The following KMT5B variants were observed in gnomAD, a reference collection of about 807,000 sequenced individuals.
The protein encoded by KMT5B is histone-lysine N-methyltransferase KMT5B.
Under a neutral mutation model 83.2 loss-of-function variants are expected in KMT5B, and 10 were observed. That is an observed-to-expected ratio of 0.12 (90% CI 0.07 to 0.20). The LOEUF is 0.20. Ranked by LOEUF, KMT5B falls within the 10% of genes least tolerant of loss-of-function variation. KMT5B has a pLI of 1.00. For missense variants in KMT5B, 753 were observed against 1,067.2 expected, an observed-to-expected ratio of 0.71 and a Z score of 4.10; for synonymous variants, 349 against 388.8, an observed-to-expected ratio of 0.90 and a Z score of 1.20.
intron 3 of KMT5B, among the ~76,000 whole-genome samples, chr11:68,183,226 AAAAC>A (rs1191678633): frequency 2.0e-5 from 3 of 152,028 alleles, no homozygotes; most frequent in African/African-American, 7.2e-5. Flanking sequence ...AAAAAAAAAA[AAAAC>A]AAAGAAAAAC....
chr11:68,204,518 T>C (rs1859832198), intron 1 of KMT5B, among the ~76,000 whole-genome samples: 1 of 151,924 alleles, frequency 6.6e-6, no homozygotes, highest in Non-Finnish European at 1.5e-5. Flanking sequence ...AAAGAGCAGC[T>C]TCCCTCCACA....
At chr11:68,167,411 C>A (rs929259516) in intron 9 of KMT5B, among the ~76,000 whole-genome samples, 1 of 151,116 alleles carries the variant, frequency 6.6e-6, no homozygotes. Context: ...TATTATCAAT[C>A]ATTAATTGCC....
intron 4 of KMT5B, chr11:68,179,560 T>C (rs1197396285): frequency 3.8e-6 from 5 of 1,304,152 alleles, no homozygotes; most frequent in Non-Finnish European, 4.0e-6. Flanking sequence ...AGAAAAGTTG[T>C]AGACTGTATT....
chr11:68,182,198 C>T (rs1433111064), intron 3 of KMT5B, among the ~76,000 whole-genome samples: 4 of 152,176 alleles, frequency 2.6e-5, no homozygotes, highest in Non-Finnish European at 5.9e-5. Flanking sequence ...TTTATGACTA[C>T]ATAGTTTTAC....
At chr11:68,191,236 G>C (rs1858026289) in intron 1 of KMT5B, among the ~76,000 whole-genome samples, 1 of 149,746 alleles carries the variant, frequency 6.7e-6, no homozygotes, top group South Asian at 2.1e-4. Context: ...ATGTTGCCCA[G>C]ACTGGTCTCA....
intron 10 of KMT5B, among the ~76,000 whole-genome samples, chr11:68,164,966 C>A (rs889600366): frequency 9.9e-5 from 15 of 152,262 alleles, no homozygotes; most frequent in African/African-American, 3.1e-4. Flanking sequence ...AATATATATT[C>A]CCAAATATTT....
chr11:68,172,106 T>C (rs11228150), intron 6 of KMT5B, among the ~76,000 whole-genome samples: 29,826 of 152,214 alleles, frequency 0.2, 3,415 homozygotes, highest in African/African-American at 0.32. Context: ...TCCGGAATCA[T>C]GGTGCCACTC....
At chr11:68,197,511 T>G (rs188267018) in intron 1 of KMT5B, among the ~76,000 whole-genome samples, 1 of 152,244 alleles carries the variant, frequency 6.6e-6, no homozygotes, top group African/African-American at 2.4e-5. Flanking sequence ...CCAAACATTT[T>G]TCTGAGAATT....
rs923837754 is a variant in KMT5B, at chr11:68,159,476, G to A, written c.1175-305C>T. 5.3e-5 allele frequency among the ~76,000 whole-genome samples: 8 copies of A among 152,170 alleles called. No individual in the cohort carries two copies. In the South Asian group the frequency reaches 6.2e-4, roughly 12 times the overall value. On this transcript the variant is annotated intron_variant, in intron 10 of 10. Coordinates refer to ENST00000304363, the MANE Select transcript of KMT5B (RefSeq NM_017635.5). ...AATCTGTCGTGACACTGGCCCAAAC[G>A]AACGCTTTCTTCTCCTGATTTAGTA...
chr11:68,207,933 A>C (rs7924475), intron 1 of KMT5B, among the ~76,000 whole-genome samples: 6 of 150,400 alleles, frequency 4.0e-5, no homozygotes, highest in African/African-American at 1.5e-4. Context: ...TCTGCCTCCC[A>C]GGTTCAAGGA....
intron 9 of KMT5B, among the ~76,000 whole-genome samples, chr11:68,167,814 A>G (rs1054996764): frequency 3.3e-5 from 5 of 152,296 alleles, no homozygotes; most frequent in African/African-American, 4.8e-5. Context: ...TCATGGTCCC[A>G]CTAGCATGGT....
upstream of KMT5B, chr11:68,213,360 TC>T (rs1861236504): frequency 6.9e-6 from 1 of 145,758 alleles, no homozygotes; most frequent in South Asian, 1.8e-4. Context: ...CCCCGCAGCG[TC>T]CGAGCCCCCC....
chr11:68,190,800 T>C (rs987286625), intron 1 of KMT5B, among the ~76,000 whole-genome samples: 6 of 152,016 alleles, frequency 3.9e-5, no homozygotes, highest in African/African-American at 1.5e-4. Context: ...CTGGGCAACA[T>C]GGCAAGACCC....
chr11:68,188,514 T>A (rs1393849406), intron 2 of KMT5B, among the ~76,000 whole-genome samples: 1 of 152,020 alleles, frequency 6.6e-6, no homozygotes, highest in African/African-American at 2.4e-5. Flanking sequence ...GATTGGCTAA[T>A]TTTTTTGTAG....
At chr11:68,208,163 C>T (rs993192203) in intron 1 of KMT5B, among the ~76,000 whole-genome samples, 5 of 151,236 alleles carry the variant, frequency 3.3e-5, no homozygotes, top group Non-Finnish European at 3.0e-5. Context: ...ACACACTTCG[C>T]CCAAGCCAGG....
intron 9 of KMT5B, among the ~76,000 whole-genome samples, chr11:68,167,719 A>T (rs950661874): frequency 6.6e-6 from 1 of 152,182 alleles, no homozygotes; most frequent in African/African-American, 2.4e-5. Context: ...GGGTCTCCCA[A>T]AGTGCTGGAT....
In KMT5B at chr11:68,158,825, C is replaced by T. The variant is rs369116647; in HGVS notation, c.1521G>A (p.Gly507=). Residue 507 remains glycine, a synonymous_variant, in exon 11 of 11, where the codon GGG becomes GGA. Transcript: ENST00000304363. ...CTCTCGCCGCGTGTCTAGTCAAGCA[C>T]CCGCTGGCAACTGCGGCTTGGGCTG... ...EGPAQAAVAS[G]CLTRHAAREH... is the part of the protein sequence containing the mutation. 8.1e-6 allele frequency: 13 copies of T among 1,614,172 alleles called. No individual in the cohort carries two copies. In the African/African-American group the frequency reaches 1.3e-4, roughly 17 times the overall value.
intron 5 of KMT5B, 173 bp from the exon 6 acceptor site, chr11:68,174,086 AC>A: frequency 1.5e-6 from 1 of 662,778 alleles, no homozygotes; most frequent in South Asian, 1.5e-5. Context: ...GATGGCATGT[AC>A]CTTTAGTGCC....
At chr11:68,185,610 T>C (rs1857372803) in intron 3 of KMT5B, among the ~76,000 whole-genome samples, 171 bp downstream of exon 3, 1 of 152,244 alleles carries the variant, frequency 6.6e-6, no homozygotes, top group South Asian at 2.1e-4. Flanking sequence ...ACTGACAAGA[T>C]TCCTGGAGTC....
Sources: allele counts gnomAD v4.1 joint callset (sites outside exome capture counted in the v4.1 genomes callset), GRCh38; gene constraint gnomAD v4.1.1; transcripts MANE v1.5; gene names NCBI Gene and HGNC (gene_info 2026-07-23, HGNC 2026-07-21).